The following BACH2 variants were observed in gnomAD, a reference collection of about 807,000 sequenced individuals.
The protein encoded by BACH2 is transcription regulator protein BACH2.
Under a neutral mutation model 61.8 loss-of-function variants are expected in BACH2, and 5 were observed. That is an observed-to-expected ratio of 0.08 (90% CI 0.04 to 0.17). The LOEUF (loss-of-function observed/expected upper bound fraction) is 0.17, where lower values mean the gene tolerates loss of function less well. Among genes scored for constraint, BACH2 ranks in the 10% least tolerant of loss-of-function variants. BACH2 has a pLI of 1.00. For missense variants in BACH2, 824 were observed against 1,091.1 expected (o/e 0.76, Z 3.45); for synonymous variants, 446 against 440.1 (o/e 1.01, Z -0.17).
rs76254643 is a variant in BACH2, at chr6:89,969,050, CTTTTT to C, written c.244-17193_244-17189del. Among the ~76,000 whole-genome samples the C allele has an allele frequency of 9.2e-3, 1,043 of 113,948 alleles. 8 individuals are homozygous for C. Among genetic ancestry groups the C allele is most frequent in the African/African-American group, 0.032 (987 of 30,480 alleles). The allele number at this position is 113,948 out of a possible 152,430, so 74.8% of individuals were successfully genotyped here. On this transcript the variant is annotated intron_variant, in intron 6 of 8. Coordinates refer to ENST00000257749, the MANE Select transcript of BACH2 (RefSeq NM_021813.4). ...AAAGAATGTGTCTTAAAAATGTAGT[CTTTTT>C]TTTTTTTTTTTTTTTTAGGCTGAGT...
intron 2 of BACH2, among the ~76,000 whole-genome samples, chr6:90,261,574 C>T (rs963158294): frequency 1.3e-5 from 2 of 152,150 alleles, no homozygotes; most frequent in East Asian, 1.9e-4. Context: ...ACATTCTTGA[C>T]TACTCCCTCC....
chr6:90,149,569 G>A (rs1302192090), intron 4 of BACH2, among the ~76,000 whole-genome samples: 1 of 152,182 alleles, frequency 6.6e-6, no homozygotes, highest in Admixed American at 6.5e-5. Flanking sequence ...TAACATGGGG[G>A]ATGCCCATTG....
At chr6:90,137,500 G>A (rs901487791) in intron 4 of BACH2, among the ~76,000 whole-genome samples, 4 of 152,130 alleles carry the variant, frequency 2.6e-5, no homozygotes, top group Admixed American at 2.6e-4. Flanking sequence ...TAGTTTCTCC[G>A]TTCTTTCCCA....
rs926158289 is a variant in BACH2 at position 89,927,729 on chromosome 6, A to G, written c.*4679T>C. 1 of 152,810 alleles carries G rather than the reference A, an allele frequency of 6.5e-6. No homozygotes were observed. Among genetic ancestry groups the G allele is most frequent in the East Asian group, 1.9e-4 (1 of 5,342 alleles). The allele number at this position is 152,810 out of a possible 1,614,324, so 9.5% of individuals were successfully genotyped here. A position where few individuals can be genotyped will look rare whatever the true frequency, so the allele number is the denominator to read the frequency against. On this transcript the variant is annotated 3_prime_UTR_variant, in exon 9 of 9. Transcript: ENST00000257749. ...AATGCACTGATATTCATTTGATAGA[A>G]ATATCATCTCCCAGGGTGGAGTGTA...
chr6:89,985,312 T>C (rs907651597), intron 6 of BACH2, among the ~76,000 whole-genome samples: 10 of 152,148 alleles, frequency 6.6e-5, no homozygotes, highest in African/African-American at 2.4e-4. Context: ...GGGATTCTCA[T>C]CTGCTGGCGG....
chr6:90,289,413 C>T (rs921465584), intron 1 of BACH2, among the ~76,000 whole-genome samples: 1 of 152,000 alleles, frequency 6.6e-6, no homozygotes, highest in Non-Finnish European at 1.5e-5. Context: ...AGGAAGCTCT[C>T]AATACAAGTT....
chr6:90,282,445 G>A (rs901907490), intron 1 of BACH2, among the ~76,000 whole-genome samples: 1 of 152,054 alleles, frequency 6.6e-6, no homozygotes, highest in Non-Finnish European at 1.5e-5. Flanking sequence ...TAAGGATAAT[G>A]GCCCCCAGCT....
At chr6:89,943,097 C>A (rs945579749) in intron 7 of BACH2, among the ~76,000 whole-genome samples, 2 of 152,128 alleles carry the variant, frequency 1.3e-5, no homozygotes, top group South Asian at 4.1e-4. Context: ...TAGGAGTGAG[C>A]CACCACGCCT....
chr6:89,960,719 C>T (rs562302248), intron 6 of BACH2, among the ~76,000 whole-genome samples: 2 of 152,340 alleles, frequency 1.3e-5, no homozygotes, highest in East Asian at 3.9e-4. Flanking sequence ...AAGTATTGGT[C>T]CTTAGAATCT....
chr6:90,060,319 A>T (rs1780619129), intron 5 of BACH2, among the ~76,000 whole-genome samples: 1 of 152,128 alleles, frequency 6.6e-6, no homozygotes, highest in Non-Finnish European at 1.5e-5. Flanking sequence ...CTCCAAACTT[A>T]TTAACCTCTC....
chr6:89,946,189 T>C (rs765334468), intron 7 of BACH2, among the ~76,000 whole-genome samples: 7 of 152,172 alleles, frequency 4.6e-5, no homozygotes, highest in East Asian at 1.9e-4. Context: ...AAAAGAAAAA[T>C]AGGCAAAGAG....
intron 4 of BACH2, among the ~76,000 whole-genome samples, chr6:90,178,808 G>A (rs1378224216): frequency 2.6e-5 from 4 of 152,250 alleles, no homozygotes; most frequent in Admixed American, 2.6e-4. Flanking sequence ...TTTGAGAATG[G>A]CACAGATGCA....
chr6:90,262,647 G>A (rs1274811157), intron 2 of BACH2, among the ~76,000 whole-genome samples: 1 of 152,198 alleles, frequency 6.6e-6, no homozygotes, highest in African/African-American at 2.4e-5. Context: ...CAAAAACCAT[G>A]ATGACACCAA....
At chr6:90,030,543 A>G (rs907194899) in intron 5 of BACH2, among the ~76,000 whole-genome samples, 13 of 152,212 alleles carry the variant, frequency 8.5e-5, no homozygotes, top group Non-Finnish European at 1.8e-4. Flanking sequence ...TGCCACAGAA[A>G]TACAAACTAC....
At chr6:90,152,535 A>G (rs1784862347) in intron 4 of BACH2, among the ~76,000 whole-genome samples, 1 of 152,246 alleles carries the variant, frequency 6.6e-6, no homozygotes, top group Admixed American at 6.5e-5. Context: ...TATCTTGTTA[A>G]TATTAGGCTA....
chr6:90,158,876 C>T (rs552189009), intron 4 of BACH2, among the ~76,000 whole-genome samples: 2 of 152,280 alleles, frequency 1.3e-5, no homozygotes, highest in South Asian at 2.1e-4. Flanking sequence ...ATAAACAACA[C>T]TGCCACTCCC....
intron 5 of BACH2, among the ~76,000 whole-genome samples, chr6:90,083,074 G>T (rs1433559451): frequency 6.6e-6 from 1 of 152,096 alleles, no homozygotes; most frequent in Admixed American, 6.6e-5. Context: ...CTGCCACAAG[G>T]CTGCAGGCAC....
chr6:89,990,277 T>C (rs183256389), intron 6 of BACH2, among the ~76,000 whole-genome samples: 2 of 152,306 alleles, frequency 1.3e-5, no homozygotes, highest in East Asian at 1.9e-4. Flanking sequence ...AACTTACCAA[T>C]AGGTTAATTT....
At chr6:90,103,189 T>C (rs767797946) in intron 4 of BACH2, among the ~76,000 whole-genome samples, 1 of 151,648 alleles carries the variant, frequency 6.6e-6, no homozygotes, top group Non-Finnish European at 1.5e-5. Flanking sequence ...AGGATCAAAA[T>C]ATCACACTTT....
Sources: gnomAD v4.1 joint callset for allele counts (sites outside exome capture counted in the v4.1 genomes callset) on GRCh38, gnomAD v4.1.1 for gene constraint, MANE v1.5 for transcripts, NCBI Gene and HGNC (gene_info 2026-07-23, HGNC 2026-07-21) for gene names.